SEC14L1: variants seen among roughly 807,000 people sequenced by gnomAD.
SEC14L1 encodes SEC14 like lipid binding 1.
In SEC14L1, 48 loss-of-function variants were observed where a neutral mutation model predicts 85.3. The observed-to-expected ratio is 0.56, with a 90% CI of 0.45 to 0.72. The LOEUF is 0.72. Among genes scored for constraint, SEC14L1 ranks in the 30% least tolerant of loss-of-function variants. The probability of loss-of-function intolerance (pLI) is 0.00; values close to 1 mark genes in which losing one functional copy is unlikely to be tolerated. For missense variants in SEC14L1, 682 were observed against 921.4 expected (o/e 0.74, Z 3.36); for synonymous variants, 391 against 355.5 (o/e 1.10, Z -1.12).
At chr17:77,156,340 T>C (rs534858813) in intron 3 of SEC14L1, among the ~76,000 whole-genome samples, 3 of 152,268 alleles carry the variant, frequency 2.0e-5, no homozygotes, top group Admixed American at 2.0e-4. Flanking sequence ...TTTGGGAAGC[T>C]GAGGCAGGCG....
Position 77,206,306 on chromosome 17 carries a change from G to A in SEC14L1, c.1247G>A (p.Arg416Gln), listed in dbSNP as rs773073211. 1.2e-6 allele frequency: 2 copies of A among 1,614,154 alleles called. No homozygotes were observed. Among genetic ancestry groups the A allele is most frequent in the African/African-American group, 1.3e-5 (1 of 75,038 alleles). The change falls in exon 12 of 17, where the codon CGG becomes CAG. Residue 416 changes from arginine to glutamine, a missense_variant. Transcript: ENST00000436233. This position sits in a 1 kb window ranked among gnomAD's most constrained non-coding sequence, Gnocchi z 4.3. ...AGACCTGGTGTGAAAGCGCTGCTGC[G>A]GATCATCGAGGTGGTGGAGGCCAAC... ...LWRPGVKALL[R>Q]IIEVVEANYP...
At chr17:77,122,107 A>G (rs1351606946) in intron 3 of SEC14L1, among the ~76,000 whole-genome samples, 2 of 152,160 alleles carry the variant, frequency 1.3e-5, no homozygotes, top group Non-Finnish European at 2.9e-5. Context: ...TCCAGGAGCT[A>G]TTTGCTTTCT....
chr17:77,107,655 C>T (rs1428918152), intron 3 of SEC14L1, among the ~76,000 whole-genome samples: 7 of 152,166 alleles, frequency 4.6e-5, no homozygotes, highest in Admixed American at 3.9e-4. Context: ...ACCGCAACCT[C>T]CTCACACACC....
chr17:77,201,949 G>A (rs1294929360), intron 9 of SEC14L1, among the ~76,000 whole-genome samples: 1 of 152,146 alleles, frequency 6.6e-6, no homozygotes, highest in East Asian at 1.9e-4. Flanking sequence ...GGACGACACT[G>A]CTGGTCTTCT....
At chr17:77,146,901 T>C (rs1598297368) in intron 3 of SEC14L1, among the ~76,000 whole-genome samples, 2 of 152,228 alleles carry the variant, frequency 1.3e-5, no homozygotes, top group Non-Finnish European at 2.9e-5. Context: ...AGTATTTGCT[T>C]AATTTTTTTT....
chr17:77,167,146 CTTTTTTTTT>C (rs72037954), intron 3 of SEC14L1, among the ~76,000 whole-genome samples: 2 of 134,602 alleles, frequency 1.5e-5, no homozygotes, highest in African/African-American at 5.5e-5. Context: ...TTTCTTTTTC[CTTTTTTTTT>C]TTTTTTTTTT....
intron 3 of SEC14L1, among the ~76,000 whole-genome samples, chr17:77,149,862 T>TG (rs1457852378): frequency 1.3e-5 from 2 of 152,050 alleles, no homozygotes; most frequent in African/African-American, 4.8e-5. Context: ...TTGTGTTTTT[T>TG]TTTTTTTTTT....
intron 3 of SEC14L1, among the ~76,000 whole-genome samples, chr17:77,115,538 T>G (rs1598240606): frequency 6.6e-6 from 1 of 152,214 alleles, no homozygotes; most frequent in Admixed American, 6.5e-5. Context: ...AGGCCCCTTT[T>G]GGGGCTCAGA....
At chr17:77,164,498 G>T (rs947143537) in intron 3 of SEC14L1, among the ~76,000 whole-genome samples, 3 of 152,076 alleles carry the variant, frequency 2.0e-5, no homozygotes, top group Admixed American at 6.5e-5. Context: ...CCCTTTGTTG[G>T]TGGCTTTCCT....
chr17:77,100,332 T>A (rs960988875), intron 3 of SEC14L1, among the ~76,000 whole-genome samples: 1 of 151,866 alleles, frequency 6.6e-6, no homozygotes, highest in African/African-American at 2.4e-5. Context: ...CGCCCTGCGC[T>A]GCAGTGTGTG....
intron 1 of SEC14L1, chr17:77,141,866 T>A (rs565190068): frequency 6.6e-6 from 1 of 152,322 alleles, no homozygotes; most frequent in East Asian, 1.9e-4. Context: ...ACCCTAAAAT[T>A]AATATTCCCA....
At chr17:77,098,573 C>CT (rs1016202257) in intron 3 of SEC14L1, among the ~76,000 whole-genome samples, 2 of 152,206 alleles carry the variant, frequency 1.3e-5, no homozygotes, top group South Asian at 2.1e-4. Context: ...GGGACACCGT[C>CT]TTTTTGGCTC....
At chr17:77,110,783 C>G (rs1418861179) in intron 3 of SEC14L1, among the ~76,000 whole-genome samples, 1 of 148,000 alleles carries the variant, frequency 6.8e-6, no homozygotes, top group Non-Finnish European at 1.5e-5. Flanking sequence ...ACTCGGGAGG[C>G]TGAGGCAGGA....
Position 77,213,690 on chromosome 17 carries a change from A to G in SEC14L1, c.2042+198A>G. 9 of 856,614 alleles carry G rather than the reference A, an allele frequency of 1.1e-5. No individual in the cohort carries two copies. The highest frequency in any genetic ancestry group is 1.7e-5 in the Non-Finnish European group (9 of 526,256). 53.1% of individuals were successfully genotyped at this position (856,614 alleles called of 1,614,324 possible). ...TCTGCAGAGGGAGAGTGTCGGAGACAGAGCCGACTGACTGCCTTTGCTTTA... is the reference window on the plus strand; with the variant it reads ...TCTGCAGAGGGAGAGTGTCGGAGACGGAGCCGACTGACTGCCTTTGCTTTA... On this transcript the variant is annotated intron_variant, in intron 16 of 16. Transcript: ENST00000436233. The surrounding 1 kb of genome is among the most constrained non-coding windows in gnomAD (Gnocchi z 7.1).
intron 3 of SEC14L1, among the ~76,000 whole-genome samples, chr17:77,167,379 C>G (rs1049976890): frequency 1.2e-4 from 19 of 152,172 alleles, no homozygotes; most frequent in African/African-American, 4.3e-4. Flanking sequence ...AAGTGATCCA[C>G]CCACCTTGGC....
chr17:77,134,758 A>G (rs1972738699), intron 3 of SEC14L1, among the ~76,000 whole-genome samples: 1 of 152,002 alleles, frequency 6.6e-6, no homozygotes, highest in East Asian at 1.9e-4. Context: ...ATAAAATAAA[A>G]TACTTTTTTT....
upstream of SEC14L1, among the ~76,000 whole-genome samples, chr17:77,138,902 A>G (rs1204795742): frequency 6.6e-6 from 1 of 152,228 alleles, no homozygotes; most frequent in Non-Finnish European, 1.5e-5. Context: ...GTTTAACTGA[A>G]GTATAATATA....
chr17:77,191,116 T>C (rs996979917), intron 4 of SEC14L1, 65 bp from the exon 5 acceptor site: 55 of 1,559,378 alleles, frequency 3.5e-5, no homozygotes, highest in Non-Finnish European at 4.6e-5. Context: ...CATGAACTTA[T>C]ACTATAGCTT....
intron 8 of SEC14L1, among the ~76,000 whole-genome samples, chr17:77,196,586 C>T (rs1254482396): frequency 1.3e-5 from 2 of 152,310 alleles, no homozygotes; most frequent in South Asian, 2.1e-4. Context: ...CAAGTATTCA[C>T]ACATTCAAAT....
Sources: allele counts gnomAD v4.1 joint callset (sites outside exome capture counted in the v4.1 genomes callset), GRCh38; gene constraint gnomAD v4.1.1; non-coding constraint Gnocchi (gnomAD v3.1); transcripts MANE v1.5; gene names NCBI Gene and HGNC (gene_info 2026-07-23, HGNC 2026-07-21).